NPAS3: variants seen among roughly 807,000 people sequenced by gnomAD.
NPAS3 encodes neuronal PAS domain protein 3.
A neutral mutation model predicts 73.1 loss-of-function variants in NPAS3; 14 were observed. That is an observed-to-expected ratio of 0.19 (90% confidence interval 0.13 to 0.30). The LOEUF (loss-of-function observed/expected upper bound fraction) is 0.30, where lower values mean the gene tolerates loss of function less well. Ranked by LOEUF, NPAS3 falls within the 10% of genes least tolerant of loss-of-function variation. The pLI, the probability that NPAS3 is intolerant of heterozygous loss-of-function variation, is 1.00. For synonymous variants in NPAS3, 620 were observed against 541.5 expected, an observed-to-expected ratio of 1.14 and a Z score of -2.01; for missense variants, 1,096 against 1,250.0, an observed-to-expected ratio of 0.88 and a Z score of 1.86.
At chr14:33,008,261 T>A (rs970721663) in intron 1 of NPAS3, among the ~76,000 whole-genome samples, 1 of 152,220 alleles carries the variant, frequency 6.6e-6, no homozygotes, top group African/African-American at 2.4e-5. Context: ...TGTATTATTT[T>A]ACTGACAAGG....
chr14:33,538,568 GT>G, intron 4 of NPAS3, among the ~76,000 whole-genome samples: 1 of 152,288 alleles, frequency 6.6e-6, no homozygotes, highest in African/African-American at 2.4e-5. Flanking sequence ...AAAATCTGCT[GT>G]TGCAAAAAGA....
At chr14:33,087,148 G>A (rs1364472425) in intron 2 of NPAS3, among the ~76,000 whole-genome samples, 4 of 98,932 alleles carry the variant, frequency 4.0e-5, no homozygotes, top group Admixed American at 3.9e-4. Context: ...TAATAATATA[G>A]TATACAATAT....
At chr14:33,306,369 T>A (rs2042754709) in intron 3 of NPAS3, among the ~76,000 whole-genome samples, 1 of 152,222 alleles carries the variant, frequency 6.6e-6, no homozygotes. Context: ...ACGAACAAAC[T>A]AATTCTGCAA....
chr14:33,570,054 C>T (rs2056139596), intron 5 of NPAS3, among the ~76,000 whole-genome samples: 1 of 152,110 alleles, frequency 6.6e-6, no homozygotes, highest in Non-Finnish European at 1.5e-5. Flanking sequence ...GTGGTGAGTT[C>T]CTTTTTTGGG....
intron 3 of NPAS3, among the ~76,000 whole-genome samples, chr14:33,241,183 G>A (rs2048203342): frequency 6.6e-6 from 1 of 151,848 alleles, no homozygotes; most frequent in African/African-American, 2.4e-5. Context: ...GGTGAACTCT[G>A]ATTTTCTGAA....
rs180804023 is a variant in NPAS3, at chr14:33,448,148, T to C, written c.468+80880T>C. Reference sequence around the variant, plus strand: ...AAATTTGAAGTGCTTTTAAGACATATGTTAAAGATGGGACTGATTAGGGTT... The same window carrying C: ...AAATTTGAAGTGCTTTTAAGACATACGTTAAAGATGGGACTGATTAGGGTT... On this transcript the variant is annotated intron_variant, in intron 4 of 11. Coordinates refer to ENST00000356141, the Ensembl canonical transcript of NPAS3. Among the ~76,000 whole-genome samples, 239 of 152,298 alleles carry C rather than the reference T, an allele frequency of 1.6e-3. 1 individual carries two copies. Among genetic ancestry groups the C allele is most frequent in the African/African-American group, 5.3e-3 (222 of 41,570 alleles).
At chr14:33,620,745 A>G (rs2058055371) in intron 5 of NPAS3, among the ~76,000 whole-genome samples, 2 of 152,112 alleles carry the variant, frequency 1.3e-5, no homozygotes, top group Admixed American at 1.3e-4. Flanking sequence ...AAATCTATTT[A>G]TTTATTTATT....
At chr14:33,542,132 C>T (rs1435066143) in intron 4 of NPAS3, among the ~76,000 whole-genome samples, 1 of 152,156 alleles carries the variant, frequency 6.6e-6, no homozygotes, top group African/African-American at 2.4e-5. Context: ...AGAAACTCTT[C>T]ATGGCTTTCT....
intron 3 of NPAS3, among the ~76,000 whole-genome samples, chr14:33,364,376 C>T (rs561915305): frequency 8.5e-5 from 13 of 152,296 alleles, no homozygotes; most frequent in African/African-American, 3.1e-4. Context: ...ACATTTTTAA[C>T]ATCTATTCAG....
At chr14:33,534,363 C>A (rs1452150571) in intron 4 of NPAS3, among the ~76,000 whole-genome samples, 27 of 152,118 alleles carry the variant, frequency 1.8e-4, no homozygotes, top group Admixed American at 1.8e-3. Flanking sequence ...TCTTGGATCC[C>A]ATCCTGAAAA....
chr14:33,562,711 A>AG lies in NPAS3; in HGVS notation c.558+2501_558+2502insG, dbSNP rs138686878. On this transcript the variant is annotated intron_variant, in intron 5 of 11. Coordinates refer to ENST00000356141, the Ensembl canonical transcript of NPAS3. ...TAAAAGCCCAAAGCATGAGGGAAAA[A>AG]CAAAAAATCTATGCTAAAACTCTGG... Among the ~76,000 whole-genome samples the AG allele has an allele frequency of 4.3e-3, 660 of 152,290 alleles. 4 individuals carry two copies. The highest frequency in any genetic ancestry group is 0.015 in the African/African-American group (633 of 41,558).
At chr14:33,497,862 A>G (rs1031333122) in intron 4 of NPAS3, among the ~76,000 whole-genome samples, 6 of 152,192 alleles carry the variant, frequency 3.9e-5, no homozygotes, top group Non-Finnish European at 5.9e-5. Flanking sequence ...TAATTAAACT[A>G]AAGAGCTCTA....
intron 5 of NPAS3, among the ~76,000 whole-genome samples, chr14:33,568,576 G>T (rs2139806130): frequency 6.6e-6 from 1 of 152,234 alleles, no homozygotes; most frequent in Non-Finnish European, 1.5e-5. Flanking sequence ...CTGCTCATAT[G>T]AAGAAAAAGA....
intron 3 of NPAS3, among the ~76,000 whole-genome samples, chr14:33,240,656 C>A (rs533046463): frequency 6.6e-6 from 1 of 151,856 alleles, no homozygotes; most frequent in African/African-American, 2.4e-5. Context: ...CTGCTTTTTC[C>A]TCTCTTGAGA....
At chr14:33,399,895 T>C (rs1405068888) in intron 4 of NPAS3, among the ~76,000 whole-genome samples, 4 of 152,098 alleles carry the variant, frequency 2.6e-5, no homozygotes, top group Non-Finnish European at 5.9e-5. Context: ...TGTGTGATCT[T>C]GAGCAAGTTG....
At chr14:33,398,863 CAA>C (rs913814253) in intron 4 of NPAS3, among the ~76,000 whole-genome samples, 2 of 151,896 alleles carry the variant, frequency 1.3e-5, no homozygotes, top group African/African-American at 2.4e-5. Context: ...TATTTGAGTA[CAA>C]AGTCATTTTT....
intron 5 of NPAS3, among the ~76,000 whole-genome samples, chr14:33,637,141 T>C (rs2058544253): frequency 6.6e-6 from 1 of 152,214 alleles, no homozygotes; most frequent in Non-Finnish European, 1.5e-5. Context: ...GAGTGACTTT[T>C]AGTACTGGCG....
intron 5 of NPAS3, among the ~76,000 whole-genome samples, chr14:33,603,840 T>A (rs564076781): frequency 6.6e-6 from 1 of 151,996 alleles, no homozygotes; most frequent in South Asian, 2.1e-4. Context: ...GGGAACACAG[T>A]GTGGGATTTG....
intron 5 of NPAS3, among the ~76,000 whole-genome samples, chr14:33,619,918 T>C (rs2058031408): frequency 6.6e-6 from 1 of 152,208 alleles, no homozygotes; most frequent in Non-Finnish European, 1.5e-5. Flanking sequence ...GAAAAGGTCT[T>C]GTGATCCCAT....
Sources: gnomAD v4.1 joint callset for allele counts (sites outside exome capture counted in the v4.1 genomes callset) on GRCh38, gnomAD v4.1.1 for gene constraint, MANE v1.5 for transcripts, NCBI Gene and HGNC (gene_info 2026-07-23, HGNC 2026-07-21) for gene names.